Variants in ICA1 observed in about 807,000 individuals in gnomAD.
The protein encoded by ICA1 is islet cell autoantigen 1, also known as 69 kDa islet cell autoantigen.
A neutral mutation model predicts 71.0 loss-of-function variants in ICA1; 40 were observed. The ratio of observed to expected loss-of-function variants is 0.56; its 90% CI spans 0.44 to 0.73. ICA1 has a LOEUF of 0.73. Among genes scored for constraint, ICA1 ranks in the 30% least tolerant of loss-of-function variants. The pLI is 0.00. For missense variants in ICA1, 578 were observed against 576.5 expected (o/e 1.00, Z -0.03); for synonymous variants, 207 against 209.5 (o/e 0.99, Z 0.10).
intron 13 of ICA1, among the ~76,000 whole-genome samples, chr7:8,124,431 A>AT (rs1463742785): frequency 2.7e-5 from 4 of 145,724 alleles, no homozygotes; most frequent in Non-Finnish European, 4.5e-5. Flanking sequence ...GTATAGGTAG[A>AT]TTTTCTAGGC....
intron 12 of ICA1, among the ~76,000 whole-genome samples, chr7:8,129,893 C>A (rs576329829): frequency 1.4e-5 from 2 of 143,366 alleles, no homozygotes; most frequent in East Asian, 4.2e-4. Context: ...GTGATGTTCC[C>A]CTTCCTGTGT....
chr7:8,251,177 T>C (rs1808052224), intron 1 of ICA1, among the ~76,000 whole-genome samples: 1 of 152,160 alleles, frequency 6.6e-6, no homozygotes, highest in Non-Finnish European at 1.5e-5. Flanking sequence ...CATGAGCCAC[T>C]GTGCCCAGCC....
chr7:8,125,563 T>C (rs1213593199), intron 13 of ICA1, among the ~76,000 whole-genome samples: 1 of 152,234 alleles, frequency 6.6e-6, no homozygotes, highest in East Asian at 1.9e-4. Context: ...ACTTTTTCCT[T>C]TTCTCCCTAA....
In ICA1 at chr7:8,186,536, T is replaced by A. The variant is rs143841308; in HGVS notation, c.580-27884A>T. On this transcript the variant is annotated intron_variant, in intron 6 of 13. Transcript: ENST00000402384. ...CAGGAAGATGAGGTTGGCAGCTCTG[T>A]GTAGGCTGCTATACAAATGGAGACA... is the stretch of plus-strand genomic sequence containing the variant. 6.4e-3 allele frequency among the ~76,000 whole-genome samples: 977 copies of A among 152,236 alleles called. 5 individuals are homozygous for A. Among genetic ancestry groups the A allele is most frequent in the Non-Finnish European group, 9.7e-3 (657 of 68,004 alleles).
At chr7:8,194,415 A>C (rs913277184) in intron 6 of ICA1, among the ~76,000 whole-genome samples, 1 of 152,246 alleles carries the variant, frequency 6.6e-6, no homozygotes, top group African/African-American at 2.4e-5. Flanking sequence ...TTTTCTTTTT[A>C]TGAAGCCAAC....
intron 6 of ICA1, among the ~76,000 whole-genome samples, chr7:8,184,103 T>A (rs1307236269): frequency 1.3e-5 from 2 of 152,248 alleles, no homozygotes; most frequent in East Asian, 1.9e-4. Context: ...ATCTTCTGCA[T>A]ACAGAAATCA....
chr7:8,248,413 T>A (rs995660661), intron 1 of ICA1, among the ~76,000 whole-genome samples: 1 of 152,166 alleles, frequency 6.6e-6, no homozygotes. Flanking sequence ...GGGGGCCATT[T>A]TTTCCCCCAT....
At chr7:8,221,238 G>C in intron 5 of ICA1, 37 bp downstream of exon 5, 2 of 1,611,946 alleles carry the variant, frequency 1.2e-6, no homozygotes, top group Non-Finnish European at 8.5e-7. Flanking sequence ...AGTCTCCTCA[G>C]ATCCCCCCAG....
At chr7:8,192,249 G>C (rs1785915943) in intron 6 of ICA1, among the ~76,000 whole-genome samples, 1 of 152,142 alleles carries the variant, frequency 6.6e-6, no homozygotes, top group East Asian at 1.9e-4. Context: ...ACTGCATTCA[G>C]TTGTCATGTT....
chr7:8,199,331 G>A (rs752804242), intron 6 of ICA1, among the ~76,000 whole-genome samples: 6 of 152,174 alleles, frequency 3.9e-5, no homozygotes, highest in Non-Finnish European at 7.3e-5. Flanking sequence ...CTATGATTTG[G>A]AAGCAACCTA....
chr7:8,124,047 G>A (rs529588090), intron 13 of ICA1, among the ~76,000 whole-genome samples: 58 of 152,002 alleles, frequency 3.8e-4, no homozygotes, highest in East Asian at 5.8e-4. Flanking sequence ...CACGTAGCAC[G>A]TGCCACACTG....
intron 1 of ICA1, among the ~76,000 whole-genome samples, chr7:8,237,830 A>C (rs1458914707): frequency 6.6e-6 from 1 of 151,000 alleles, no homozygotes; most frequent in Non-Finnish European, 1.5e-5. Flanking sequence ...ACACACACAC[A>C]CACACACACA....
chr7:8,143,065 T>G (rs148127528), intron 9 of ICA1, among the ~76,000 whole-genome samples: 114 of 152,356 alleles, frequency 7.5e-4, no homozygotes, highest in African/African-American at 1.8e-3. Flanking sequence ...TAAATTTTTT[T>G]TGTGTGTGGA....
Position 8,233,741 on chromosome 7 carries a change from T to C in ICA1, c.18-986A>G, listed in dbSNP as rs73236325. Among the ~76,000 whole-genome samples the C allele has an allele frequency of 4.0e-3, 603 of 152,220 alleles. 1 individual carries two copies. The highest frequency in any genetic ancestry group is 0.014 in the African/African-American group (570 of 41,534). The stretch of plus-strand genomic sequence containing the variant: ...AATACTGTATTGTGCACCTAAAATT[T>C]AAGACGGTTGACTTCATGTTAACTG... On this transcript the variant is annotated intron_variant, in intron 2 of 13. Transcript: ENST00000402384.
In ICA1 at chr7:8,138,957, T is replaced by C. The variant is rs765127200; in HGVS notation, c.1018+28A>G. On this transcript the variant is annotated intron_variant, in intron 11 of 13. Coordinates refer to ENST00000402384, the MANE Select transcript of ICA1 (RefSeq NM_001136020.3). ...AGGAGTTTGAGTCAAATAATTAAAATTGAGTAGTTTTCCTTAATCTAGGTT... is the reference window on the plus strand; with the variant it reads ...AGGAGTTTGAGTCAAATAATTAAAACTGAGTAGTTTTCCTTAATCTAGGTT... 2.5e-5 allele frequency: 40 copies of C among 1,603,954 alleles called. No homozygotes were observed. The Admixed American group carries it at 5.0e-4, about 20-fold the overall frequency.
At chr7:8,175,114 T>A (rs1465280986) in intron 6 of ICA1, among the ~76,000 whole-genome samples, 1 of 151,554 alleles carries the variant, frequency 6.6e-6, no homozygotes, top group Non-Finnish European at 1.5e-5. Flanking sequence ...GAGTGAGAGG[T>A]TGAAAAGAAT....
At chr7:8,145,746 G>GTATATATATATA (rs199855161) in intron 8 of ICA1, among the ~76,000 whole-genome samples, 7 of 33,482 alleles carry the variant, frequency 2.1e-4, no homozygotes, top group Non-Finnish European at 5.4e-4. Context: ...TGGAATCATT[G>GTATATATATATA]TGTATATATA....
At chr7:8,248,326 CTTTAG>C (rs1160271052) in intron 1 of ICA1, among the ~76,000 whole-genome samples, 4 of 151,466 alleles carry the variant, frequency 2.6e-5, no homozygotes, top group South Asian at 2.1e-4. Flanking sequence ...TCATTTTCCT[CTTTAG>C]TTTATTCAAC....
chr7:8,165,629 C>T (rs1805632727), intron 6 of ICA1, among the ~76,000 whole-genome samples: 1 of 152,222 alleles, frequency 6.6e-6, no homozygotes, highest in African/African-American at 2.4e-5. Flanking sequence ...AAAGCCCCAT[C>T]ATCTCTTCCC....
Sources: allele counts gnomAD v4.1 joint callset (sites outside exome capture counted in the v4.1 genomes callset), GRCh38; gene constraint gnomAD v4.1.1; transcripts MANE v1.5; gene names NCBI Gene and HGNC (gene_info 2026-07-23, HGNC 2026-07-21).